The following HGD variants were observed in gnomAD, a reference collection of about 807,000 sequenced individuals.
HGD encodes homogentisate 1,2-dioxygenase.
HGD carries 61 observed loss-of-function variants against 60.8 expected under a neutral mutation model. The observed-to-expected ratio is 1.00, with a 90% CI of 0.82 to 1.24. The LOEUF is 1.24. HGD is among the 50% of genes most tolerant of loss of function. HGD has a pLI of 0.00. For synonymous variants in HGD, 212 were observed against 187.7 expected, an observed-to-expected ratio of 1.13 and a Z score of -1.06; for missense variants, 542 against 547.1, an observed-to-expected ratio of 0.99 and a Z score of 0.09.
At chr3:120,679,076 G>T (rs1708185329) in intron 1 of HGD, among the ~76,000 whole-genome samples, 1 of 152,218 alleles carries the variant, frequency 6.6e-6, no homozygotes, top group Non-Finnish European at 1.5e-5. Context: ...CTTTTCGAGA[G>T]AATTATATGC....
chr3:120,635,591 T>A (rs1940744320), intron 12 of HGD, among the ~76,000 whole-genome samples: 1 of 150,434 alleles, frequency 6.6e-6, no homozygotes, highest in Non-Finnish European at 1.5e-5. Context: ...TAAAGTCACA[T>A]CAAAGCAGCA....
rs1039503998 is a variant in HGD at position 120,644,635 on chromosome 3, T to C, written c.650-192A>G. On this transcript the variant is annotated intron_variant, in intron 9 of 13. Coordinates refer to ENST00000283871, the MANE Select transcript of HGD (RefSeq NM_000187.4). ...CCCAAGGAATCTGGTCAGAAAAAAA[T>C]TCACAAAAACCAGCATTACTTTCTA... The C allele has an allele frequency of 3.3e-6, 5 of 1,526,524 alleles. No homozygotes were observed. The African/African-American group carries it at 6.9e-5, about 21-fold the overall frequency. 94.6% of individuals were successfully genotyped at this position (1,526,524 alleles called of 1,614,324 possible).
chr3:120,672,275 A>C (rs1248168615), intron 3 of HGD, among the ~76,000 whole-genome samples: 1 of 152,174 alleles, frequency 6.6e-6, no homozygotes, highest in African/African-American at 2.4e-5. Context: ...CCTCTCTACC[A>C]GGACCAGATC....
chr3:120,630,553 G>T (rs896397940), intron 13 of HGD, among the ~76,000 whole-genome samples: 4 of 151,880 alleles, frequency 2.6e-5, no homozygotes, highest in African/African-American at 9.7e-5. Flanking sequence ...AAATCATGCT[G>T]GGACAACTGG....
At chr3:120,639,399 AC>A (rs899970002) in intron 11 of HGD, among the ~76,000 whole-genome samples, 1 of 152,194 alleles carries the variant, frequency 6.6e-6, no homozygotes, top group African/African-American at 2.4e-5. Flanking sequence ...TGATCAAACA[AC>A]AGAAGTCTGG....
chr3:120,673,826 T>G (rs1347783426), intron 3 of HGD, among the ~76,000 whole-genome samples: 1 of 152,194 alleles, frequency 6.6e-6, no homozygotes, highest in Non-Finnish European at 1.5e-5. Flanking sequence ...GCTAATGTGC[T>G]TTACACACAT....
chr3:120,633,583 G>C (rs1940660357), intron 12 of HGD: 1 of 1,429,444 alleles, frequency 7.0e-7, no homozygotes, highest in Non-Finnish European at 9.3e-7. Context: ...ACAGGAATCA[G>C]GCTAGATCTA....
At chr3:120,653,037 C>A (rs1941390917) in intron 4 of HGD, among the ~76,000 whole-genome samples, 1 of 152,192 alleles carries the variant, frequency 6.6e-6, no homozygotes, top group African/African-American at 2.4e-5. Context: ...AATCAGGTCC[C>A]TTTCCTGGCA....
intron 1 of HGD, 121 bp from the exon 2 acceptor site, chr3:120,675,984 A>G: frequency 3.9e-6 from 3 of 767,204 alleles, no homozygotes; most frequent in South Asian, 1.4e-5. Flanking sequence ...GATGTTCCAC[A>G]TATAATATCT....
chr3:120,661,988 AG>A (rs1047407552), intron 4 of HGD, among the ~76,000 whole-genome samples: 16 of 152,246 alleles, frequency 1.1e-4, no homozygotes, highest in African/African-American at 3.9e-4. Flanking sequence ...TAATGAAGAA[AG>A]TATTATTTAA....
chr3:120,676,244 C>T (rs1166151030), intron 1 of HGD, among the ~76,000 whole-genome samples: 1 of 152,182 alleles, frequency 6.6e-6, no homozygotes, highest in East Asian at 1.9e-4. Flanking sequence ...ACAGCAAAAC[C>T]CTCTCCAAAC....
intron 13 of HGD, among the ~76,000 whole-genome samples, chr3:120,629,949 C>T (rs1347128047): frequency 6.6e-6 from 1 of 152,106 alleles, no homozygotes; most frequent in Admixed American, 6.5e-5. Context: ...AATCAATGTA[C>T]AAAAATCACT....
At chr3:120,632,716 T>C (rs1280877240) in intron 13 of HGD, among the ~76,000 whole-genome samples, 1 of 152,160 alleles carries the variant, frequency 6.6e-6, no homozygotes, top group Non-Finnish European at 1.5e-5. Flanking sequence ...CAGGGCTGCA[T>C]AAGGATACAG....
chr3:120,628,571 T>C (rs752312772), intron 13 of HGD, 42 bp from the exon 14 acceptor site: 59 of 1,601,090 alleles, frequency 3.7e-5, no homozygotes, highest in Non-Finnish European at 4.7e-5. Flanking sequence ...AGAGGTGAGA[T>C]AGATAATAAA....
chr3:120,669,796 G>T (rs1707984847), intron 4 of HGD, among the ~76,000 whole-genome samples: 1 of 152,124 alleles, frequency 6.6e-6, no homozygotes, highest in Non-Finnish European at 1.5e-5. Context: ...AGAATAATTT[G>T]TGAATTGTCC....
intron 10 of HGD, among the ~76,000 whole-genome samples, chr3:120,643,299 T>C (rs929350120): frequency 6.6e-6 from 1 of 152,220 alleles, no homozygotes; most frequent in African/African-American, 2.4e-5. Context: ...AATTTTTGTA[T>C]TTTGGGTAGA....
intron 11 of HGD, among the ~76,000 whole-genome samples, chr3:120,640,363 C>T (rs1388313356): frequency 2.0e-5 from 3 of 151,764 alleles, no homozygotes; most frequent in African/African-American, 7.3e-5. Flanking sequence ...AGGCTAAAAC[C>T]CCAGTGCATT....
chr3:120,652,061 A>G (rs1210410053), intron 5 of HGD, among the ~76,000 whole-genome samples: 5 of 152,216 alleles, frequency 3.3e-5, no homozygotes, highest in Non-Finnish European at 7.3e-5. Context: ...GTTGTTATAG[A>G]TACCTCAAAG....
intron 11 of HGD, 115 bp downstream of exon 11, chr3:120,641,473 AG>A: frequency 1.3e-6 from 1 of 775,148 alleles, no homozygotes; most frequent in South Asian, 1.4e-5. Context: ...GACTATATCT[AG>A]GGCTTCCAAT....
Sources: allele counts gnomAD v4.1 joint callset (sites outside exome capture counted in the v4.1 genomes callset), GRCh38; gene constraint gnomAD v4.1.1; transcripts MANE v1.5; gene names NCBI Gene and HGNC (gene_info 2026-07-23, HGNC 2026-07-21).